The following DACT1 variants were observed in gnomAD, a reference collection of about 807,000 sequenced individuals.
DACT1 encodes the protein dishevelled binding antagonist of beta catenin 1.
Under a neutral mutation model 35.3 loss-of-function variants are expected in DACT1, and 19 were observed. The observed-to-expected ratio is 0.54, with a 90% confidence interval of 0.38 to 0.79. DACT1 has a LOEUF of 0.79. DACT1 is among the 30% of genes least tolerant of loss of function. The pLI is 0.00. For synonymous variants in DACT1, 545 were observed against 466.7 expected, an observed-to-expected ratio of 1.17 and a Z score of -2.16; for missense variants, 1,143 against 1,057.5, an observed-to-expected ratio of 1.08 and a Z score of -1.12.
Position 58,647,990 on chromosome 14 carries a change from A to G in DACT1, c.*856A>G, listed in dbSNP as rs2047711490. Reference sequence around the variant, plus strand: ...ATCCCAGAATTGCTCACTGAGCGCTATGCCACCGAAGCGTTGACCTGAACA... The same window carrying G: ...ATCCCAGAATTGCTCACTGAGCGCTGTGCCACCGAAGCGTTGACCTGAACA... On this transcript the variant is annotated 3_prime_UTR_variant, in exon 4 of 4. Coordinates refer to ENST00000395153, the MANE Select transcript of DACT1 (RefSeq NM_001079520.2). 6.0e-6 allele frequency: 1 copy of G among 167,126 alleles called. No homozygotes were observed. Among genetic ancestry groups the G allele is most frequent in the Admixed American group, 6.5e-5 (1 of 15,288 alleles). 10.4% of individuals were successfully genotyped at this position (167,126 alleles called of 1,614,324 possible). A position where few individuals can be genotyped will look rare whatever the true frequency, so the allele number is the denominator to read the frequency against.
chr14:58,640,087 T>G (rs2047612963), intron 1 of DACT1, among the ~76,000 whole-genome samples: 2 of 152,220 alleles, frequency 1.3e-5, no homozygotes, highest in Non-Finnish European at 1.5e-5. Flanking sequence ...TAGGAAGCAC[T>G]AGGTGGCAGT....
Position 58,638,147 on chromosome 14 carries a change from T to C in DACT1, c.-56T>C, listed in dbSNP as rs2140210791. ...CGCGGCCGCAGCCCTAGCGCCCTGC[T>C]CCTCCGCCTGGGCGGCCCGGCTGCG... On this transcript the variant is annotated 5_prime_UTR_variant, in exon 1 of 4. Coordinates refer to ENST00000395153, the MANE Select transcript of DACT1 (RefSeq NM_001079520.2). 1 of 1,257,364 alleles carries C rather than the reference T, an allele frequency of 8.0e-7. No individual in the cohort carries two copies. Among genetic ancestry groups the C allele is most frequent in the Non-Finnish European group, 1.0e-6 (1 of 1,001,400 alleles). The allele number at this position is 1,257,364 out of a possible 1,614,324, so 77.9% of individuals were successfully genotyped here.
intron 3 of DACT1, 63 bp downstream of exon 3, chr14:58,641,810 T>G: frequency 1.3e-6 from 2 of 1,533,096 alleles, no homozygotes; most frequent in Non-Finnish European, 1.8e-6. Flanking sequence ...CTTAAAAGGT[T>G]ATTTGGCTCC....
intron 1 of DACT1, chr14:58,639,122 G>A (rs2047604345): frequency 1.0e-6 from 1 of 985,400 alleles, no homozygotes; most frequent in East Asian, 1.1e-4. Flanking sequence ...ATTTCAAATA[G>A]AAGCCCTTTG....
In DACT1 at chr14:58,646,453, G is replaced by C. The variant is rs2047683965; in HGVS notation, c.1719G>C (p.Lys573Asn). The C allele has an allele frequency of 6.3e-7, 1 of 1,581,952 alleles. No homozygotes were observed. Among genetic ancestry groups the C allele is most frequent in the Admixed American group, 1.9e-5 (1 of 51,758 alleles). ...TVREKTRAGS[K>N]KCRFPDDLDT... ...GGGAGAAAACGCGGGCCGGGAGCAAGAAGTGTCGCTTCCCAGATGACTTGG... is the reference window on the plus strand; with the variant it reads ...GGGAGAAAACGCGGGCCGGGAGCAACAAGTGTCGCTTCCCAGATGACTTGG... Residue 573 changes from lysine (K) to asparagine (N), a missense_variant, in exon 4 of 4, where the codon AAG becomes AAC. This residue lies in a region of DACT1 where 1,054 missense variants were observed against 958.8 expected (regional missense o/e 1.10). Coordinates refer to ENST00000395153, the MANE Select transcript of DACT1 (RefSeq NM_001079520.2).
At position 58,638,303 on chromosome 14, in the gene DACT1, A is replaced by G; in HGVS notation, c.101A>G (p.Lys34Arg). 1 of 1,337,494 alleles carries G rather than the reference A, an allele frequency of 7.5e-7. No homozygotes were observed. Among genetic ancestry groups the G allele is most frequent in the Non-Finnish European group, 9.5e-7 (1 of 1,048,670 alleles). The allele number at this position is 1,337,494 out of a possible 1,614,324, so 82.9% of individuals were successfully genotyped here. Residue 34 changes from lysine to arginine, a missense_variant, in exon 1 of 4, where the codon AAG (lysine) becomes AGG (arginine). Lys to Arg is a conservative substitution (Grantham distance 26). Around this residue, in one of 3 missense-constraint regions of DACT1, gnomAD observed 85 missense variants for 81.8 expected, o/e 1.04. Transcript: ENST00000395153. ...GAGCCCGAGGGGCGCTGGCGGGAGAAGGGCGAGGCAGACACCGAGCGGCAG... is the reference window on the plus strand; with the variant it reads ...GAGCCCGAGGGGCGCTGGCGGGAGAGGGGCGAGGCAGACACCGAGCGGCAG... ...TAEPEGRWRE[K>R]GEADTERQRT...
Position 58,638,276 on chromosome 14 carries a change from C to T in DACT1, c.74C>T (p.Ala25Val). The T allele has an allele frequency of 7.4e-7, 1 of 1,357,936 alleles. No homozygotes were observed. The highest frequency in any genetic ancestry group is 1.8e-5 in the South Asian group (1 of 57,012). 84.1% of individuals were successfully genotyped at this position (1,357,936 alleles called of 1,614,324 possible). The stretch of plus-strand genomic sequence containing the variant: ...CCGGCCCGAGGCGAGCAGCGCACGG[C>T]GGAGCCCGAGGGGCGCTGGCGGGAG... ...PAPARGEQRT[A>V]EPEGRWREKG... The change falls in exon 1 of 4, where the codon GCG becomes GTG. Residue 25 changes from alanine (A) to valine (V), a missense_variant. Around this residue, in one of 3 missense-constraint regions of DACT1, gnomAD observed 85 missense variants for 81.8 expected, o/e 1.04. Transcript: ENST00000395153.
chr14:58,639,299 C>T, intron 1 of DACT1: 1 of 978,682 alleles, frequency 1.0e-6, no homozygotes, highest in Non-Finnish European at 1.2e-6. Flanking sequence ...GTCAGTGTCT[C>T]AGTCTTTCTA....
In DACT1 at chr14:58,639,298, TCA is replaced by T. The variant is rs1491089351; in HGVS notation, c.345+752_345+753del. 4 of 977,796 alleles carry T rather than the reference TCA, an allele frequency of 4.1e-6. No homozygotes were observed. The South Asian group carries it at 1.4e-4, about 35-fold the overall frequency. The allele number at this position is 977,796 out of a possible 1,614,324, so 60.6% of individuals were successfully genotyped here. On this transcript the variant is annotated intron_variant, in intron 1 of 3. Transcript: ENST00000395153. ...ATCTTACTGGGTTTCTGTCAGTGTC[TCA>T]GTCTTTCTATGCAGTCTTCATTAAT...
upstream of DACT1, among the ~76,000 whole-genome samples, chr14:58,635,035 G>GT (rs1188807936): frequency 6.6e-6 from 1 of 152,334 alleles, no homozygotes; most frequent in Non-Finnish European, 1.5e-5. Context: ...TCAATTAACA[G>GT]TTTTTCTGAG....
chr14:58,635,242 T>G (rs796919926), upstream of DACT1, among the ~76,000 whole-genome samples: 48 of 152,324 alleles, frequency 3.2e-4, 1 homozygote, highest in African/African-American at 1.1e-3. Context: ...CACTTTCAAC[T>G]GCTTCCGGAA....
upstream of DACT1, among the ~76,000 whole-genome samples, chr14:58,635,840 A>T (rs2047569671): frequency 6.6e-6 from 1 of 152,188 alleles, no homozygotes; most frequent in African/African-American, 2.4e-5. Context: ...ACAGGCCACA[A>T]TAATAGACTC....
At position 58,646,785 on chromosome 14, in the gene DACT1, C is replaced by T. The variant is rs372275201; in HGVS notation, c.2051C>T (p.Ala684Val). ...TACGCCAGCCCCTACGCCTACGTGG[C>T]TAGCGACTCCGAGTACTCGGCCGAG... ...LPYASPYAYV[A>V]SDSEYSAECE... Residue 684 changes from alanine (A) to valine (V), a missense_variant, in exon 4 of 4, where the codon GCT becomes GTT. Ala to Val is a moderately conservative substitution (Grantham distance 64, BLOSUM62 0). This residue lies in a region of DACT1 where 1,054 missense variants were observed against 958.8 expected (regional missense o/e 1.10). Transcript: ENST00000395153. The T allele has an allele frequency of 1.9e-5, 31 of 1,614,050 alleles. No homozygotes were observed. The African/African-American group carries it at 3.7e-4, about 19-fold the overall frequency.
At chr14:58,641,052 A>C (rs1470799488) in intron 2 of DACT1, among the ~76,000 whole-genome samples, 184 bp downstream of exon 2, 1 of 152,192 alleles carries the variant, frequency 6.6e-6, no homozygotes, top group Non-Finnish European at 1.5e-5. Context: ...AGACAACAAA[A>C]TTTTTAGTAA....
At chr14:58,638,753 G>T (rs1487366630) in intron 1 of DACT1, 1 of 1,194,552 alleles carries the variant, frequency 8.4e-7, no homozygotes, top group Non-Finnish European at 1.0e-6. Context: ...TCTGGCGTGT[G>T]CCCGCTTTGT....
chr14:58,639,193 CTCTCA>C (rs1259690028), intron 1 of DACT1: 5 of 985,164 alleles, frequency 5.1e-6, no homozygotes, highest in Non-Finnish European at 6.0e-6. Context: ...GTGTCCCCTC[CTCTCA>C]TATTTTATAC....
At chr14:58,642,433 G>A (rs772811823) in intron 3 of DACT1, among the ~76,000 whole-genome samples, 3 of 151,768 alleles carry the variant, frequency 2.0e-5, no homozygotes, top group South Asian at 4.2e-4. Context: ...ATAGTGAGCC[G>A]AGATTGGACC....
Position 58,645,371 on chromosome 14 carries a change from G to A in DACT1, c.637G>A (p.Val213Met), listed in dbSNP as rs938520228. ...TAATTCCCTTGATGTCATTGCAGAT[G>A]TGAATCCCAAGTACCAGTGTGATCT... ...LSDGCPKSAD[V>M]NPKYQCDLVS... Residue 213 changes from valine (V) to methionine (M), a missense_variant and splice_region_variant, in exon 4 of 4, where the codon GTG becomes ATG. By Grantham distance (21) the Val-to-Met change is conservative. Coordinates refer to ENST00000395153, the MANE Select transcript of DACT1 (RefSeq NM_001079520.2). The A allele has an allele frequency of 6.2e-7, 1 of 1,614,216 alleles. No individual in the cohort carries two copies. Among genetic ancestry groups the A allele is most frequent in the African/African-American group, 1.3e-5 (1 of 75,056 alleles).
chr14:58,637,158 G>T (rs535514410), upstream of DACT1, among the ~76,000 whole-genome samples: 5 of 152,244 alleles, frequency 3.3e-5, no homozygotes, highest in Non-Finnish European at 7.3e-5. Flanking sequence ...AATCCAGACA[G>T]TCTGATTTCT....
Sources: gnomAD v4.1 joint callset for allele counts (sites outside exome capture counted in the v4.1 genomes callset) on GRCh38, gnomAD v4.1.1 for gene constraint, gnomAD v4.1.1 regional missense constraint, MANE v1.5 for transcripts, NCBI Gene and HGNC (gene_info 2026-07-23, HGNC 2026-07-21) for gene names.